Variants in NVL observed in about 807,000 individuals in gnomAD.
NVL encodes nuclear valosin-containing protein-like.
NVL carries 84 observed loss-of-function variants against 110.2 expected under a neutral mutation model. The ratio of observed to expected loss-of-function variants is 0.76; its 90% CI spans 0.64 to 0.91. The LOEUF is 0.91. Ranked by LOEUF, NVL falls within the 40% of genes least tolerant of loss-of-function variation. The probability of loss-of-function intolerance (pLI) is 0.00; values close to 1 mark genes in which losing one functional copy is unlikely to be tolerated. For missense variants in NVL, 882 were observed against 1,035.9 expected (o/e 0.85, Z 2.04); for synonymous variants, 354 against 361.1 (o/e 0.98, Z 0.22).
intron 18 of NVL, among the ~76,000 whole-genome samples, chr1:224,263,176 C>A (rs990697427): frequency 6.6e-6 from 1 of 152,154 alleles, no homozygotes; most frequent in Non-Finnish European, 1.5e-5. Flanking sequence ...GCTTTTCCTG[C>A]CATTTGATTT....
intron 2 of NVL, among the ~76,000 whole-genome samples, chr1:224,325,079 G>A (rs1671007581): frequency 6.6e-6 from 1 of 151,912 alleles, no homozygotes; most frequent in South Asian, 2.1e-4. Flanking sequence ...TGGCCAACAT[G>A]GTGAAACCCC....
chr1:224,230,661 A>G (rs1001452337), intron 22 of NVL, among the ~76,000 whole-genome samples: 4 of 152,144 alleles, frequency 2.6e-5, no homozygotes, highest in Admixed American at 6.6e-5. Flanking sequence ...TCTCTTTCTG[A>G]ATAAAGTTGT....
chr1:224,309,505 C>T lies in NVL; in HGVS notation c.343-1242G>A, dbSNP rs139202737. ...CTGTACTCCAGCCTGGGTGACAGAG[C>T]GAGACCCTGTCCCCGTGAAAACTGG... On this transcript the variant is annotated intron_variant, in intron 5 of 22. Transcript: ENST00000281701. Among the ~76,000 whole-genome samples, 16 of 152,010 alleles carry T rather than the reference C, an allele frequency of 1.1e-4. 1 individual carries two copies. In the East Asian group the frequency reaches 2.5e-3, roughly 24 times the overall value.
chr1:224,314,730 C>T (rs73118046), intron 4 of NVL, among the ~76,000 whole-genome samples: 10,404 of 152,134 alleles, frequency 0.068, 472 homozygotes, highest in African/African-American at 0.12. Context: ...CCGGTGTAAC[C>T]CTAACACCAA....
intron 17 of NVL, 72 bp from the exon 18 acceptor site, chr1:224,268,205 A>C (rs982044974): frequency 1.9e-6 from 2 of 1,048,026 alleles, no homozygotes; most frequent in Non-Finnish European, 2.9e-6. Context: ...TCCACATAAA[A>C]ATAATACATT....
chr1:224,254,326 C>T (rs1189998170), intron 18 of NVL, among the ~76,000 whole-genome samples: 1 of 149,294 alleles, frequency 6.7e-6, no homozygotes, highest in Non-Finnish European at 1.5e-5. Context: ...CTCCTGACCT[C>T]GTGATCCACC....
In NVL at chr1:224,294,358, G is replaced by A. The variant is rs773133873; in HGVS notation, c.1234C>T (p.Arg412Ter). 1.2e-5 allele frequency: 19 copies of A among 1,614,010 alleles called. No homozygotes were observed. The Admixed American group carries it at 2.0e-4, about 17-fold the overall frequency. ...AAAGCAGGGTCTAACGAGTCTGGTC[G>A]ATTAGTAGCTCCAATAACTAGGACC... Reference protein sequence around the residue: ...ARVLVIGATNRPDSLDPALRR... With the variant: ...ARVLVIGATN The change falls in exon 12 of 23, where the codon CGA becomes TGA. Residue 412 changes from arginine to a stop codon, truncating the protein, a stop_gained. Coordinates refer to ENST00000281701, the MANE Select transcript of NVL (RefSeq NM_002533.4). LOFTEE classifies it high-confidence loss of function.
intron 19 of NVL, among the ~76,000 whole-genome samples, chr1:224,248,597 T>A (rs1312900036): frequency 6.6e-6 from 1 of 152,170 alleles, no homozygotes. Context: ...CTAAAAAAAG[T>A]TAAACAATTT....
intron 17 of NVL, among the ~76,000 whole-genome samples, chr1:224,272,075 C>G (rs1260260836): frequency 6.6e-6 from 1 of 151,882 alleles, no homozygotes; most frequent in Non-Finnish European, 1.5e-5. Flanking sequence ...GTGGCTCATG[C>G]CTGTAATCCT....
intron 8 of NVL, 86 bp from the exon 9 acceptor site, chr1:224,303,943 GGAGTA>G: frequency 7.1e-7 from 1 of 1,406,686 alleles, no homozygotes; most frequent in South Asian, 1.4e-5. Flanking sequence ...GCAGTGAAAT[GGAGTA>G]GATAGGTAGA....
chr1:224,277,071 T>C (rs1665848910), intron 16 of NVL, among the ~76,000 whole-genome samples: 3 of 152,112 alleles, frequency 2.0e-5, no homozygotes, highest in Non-Finnish European at 4.4e-5. Flanking sequence ...AAGTACTTTG[T>C]ATTATTATAA....
rs1670844306 is a variant in NVL at position 224,323,396 on chromosome 1, A to G, written c.131+2995T>C. ...TCCATATTGTAAAAAATGAAAAAGC[A>G]TAATCTAAAGAGAACATCAAGGGTG... On this transcript the variant is annotated intron_variant, in intron 2 of 22. Transcript: ENST00000281701. 1.3e-5 allele frequency among the ~76,000 whole-genome samples: 2 copies of G among 152,254 alleles called. 1 individual carries two copies. Among genetic ancestry groups the G allele is most frequent in the Non-Finnish European group, 2.9e-5 (2 of 68,054 alleles).
chr1:224,280,054 GA>G lies in NVL; in HGVS notation c.1962+1068del, dbSNP rs368205906. 8.1e-3 allele frequency among the ~76,000 whole-genome samples: 1,237 copies of G among 151,968 alleles called. 18 individuals are homozygous for G. Among genetic ancestry groups the G allele is most frequent in the African/African-American group, 0.028 (1,169 of 41,482 alleles). On this transcript the variant is annotated intron_variant, in intron 16 of 22. Transcript: ENST00000281701. ...GATAAATATACACATAGTAAATATA[GA>G]AAGAAGTGCATGGAACTAATAAGCA...
rs983120068 is a variant in NVL, at chr1:224,239,553, G to A, written c.2290-2971C>T. On this transcript the variant is annotated intron_variant, in intron 19 of 22. Transcript: ENST00000281701. Reference sequence around the variant, plus strand: ...TGTCACACTGTCACATTAACTGTACGGATCTTCCCTAAGGACACTCCGCGT... The same window carrying A: ...TGTCACACTGTCACATTAACTGTACAGATCTTCCCTAAGGACACTCCGCGT... Among the ~76,000 whole-genome samples, 19 of 152,214 alleles carry A rather than the reference G, an allele frequency of 1.2e-4. 1 individual carries two copies. In the East Asian group the frequency reaches 1.5e-3, roughly 12 times the overall value.
intron 4 of NVL, among the ~76,000 whole-genome samples, chr1:224,316,685 G>A (rs866849027): frequency 2.3e-3 from 335 of 144,304 alleles, no homozygotes; most frequent in African/African-American, 7.1e-3. Context: ...AAAAGAAAAA[G>A]AAAAAAGTTT....
intron 12 of NVL, 63 bp from the exon 13 acceptor site, chr1:224,289,796 A>T: frequency 6.6e-7 from 1 of 1,506,088 alleles, no homozygotes. Context: ...CAAGTCACCA[A>T]CTATATTTAT....
chr1:224,325,087 C>T (rs553443547), intron 2 of NVL, among the ~76,000 whole-genome samples: 86 of 151,690 alleles, frequency 5.7e-4, no homozygotes, highest in African/African-American at 2.0e-3. Context: ...ATGGTGAAAC[C>T]CCATCTCTAT....
Position 224,284,382 on chromosome 1 carries a change from G to GT in NVL, c.1899+1643dup, listed in dbSNP as rs900404173. 4.0e-3 allele frequency among the ~76,000 whole-genome samples: 593 copies of GT among 147,296 alleles called. 5 individuals carry two copies. The highest frequency in any genetic ancestry group is 5.9e-3 in the Non-Finnish European group (393 of 66,252). ...AAACATACTTAAATAAAAAAAACTAGTTTTTTTTTTTGAGACAGAGTCTTA... is the reference window on the plus strand; with the variant it reads ...AAACATACTTAAATAAAAAAAACTAGTTTTTTTTTTTTGAGACAGAGTCTTA... On this transcript the variant is annotated intron_variant, in intron 15 of 22. Transcript: ENST00000281701.
intron 19 of NVL, among the ~76,000 whole-genome samples, chr1:224,245,680 G>T (rs2102741417): frequency 6.6e-6 from 1 of 152,240 alleles, no homozygotes; most frequent in South Asian, 2.1e-4. Context: ...TTTTGGCCCA[G>T]CATGGTGGCT....
Sources: allele counts gnomAD v4.1 joint callset (sites outside exome capture counted in the v4.1 genomes callset), GRCh38; gene constraint gnomAD v4.1.1; transcripts MANE v1.5; gene names NCBI Gene and HGNC (gene_info 2026-07-23, HGNC 2026-07-21).